The following MED27 variants were observed in gnomAD, a reference collection of about 807,000 sequenced individuals.
The protein encoded by MED27 is mediator complex subunit 27.
A neutral mutation model predicts 38.2 loss-of-function variants in MED27; 30 were observed. That is an observed-to-expected ratio of 0.79 (90% confidence interval 0.59 to 1.07). The LOEUF is 1.07. MED27 is among the 50% of genes least tolerant of loss of function. MED27 has a pLI of 0.00. For synonymous variants in MED27, 122 were observed against 153.5 expected (o/e 0.79, Z 1.52); for missense variants, 289 against 397.5 (o/e 0.73, Z 2.32).
rs12346481 is a variant in MED27 at position 132,028,949 on chromosome 9, C to A, written c.349-14482G>T. ...CTCAAAATTAACATTTGCAGATTCA[C>A]CGGTAGCTTCAGGAGGCCAGTCTCT... On this transcript the variant is annotated intron_variant, in intron 2 of 7. Transcript: ENST00000292035. 8.2e-3 allele frequency among the ~76,000 whole-genome samples: 1,242 copies of A among 152,256 alleles called. 21 individuals carry two copies. Among genetic ancestry groups the A allele is most frequent in the African/African-American group, 0.028 (1,176 of 41,540 alleles).
chr9:131,895,239 G>A (rs910186831), intron 4 of MED27, among the ~76,000 whole-genome samples: 1 of 152,146 alleles, frequency 6.6e-6, no homozygotes, highest in Non-Finnish European at 1.5e-5. Context: ...TTTTCATTTC[G>A]TATATGAGAA....
intron 3 of MED27, among the ~76,000 whole-genome samples, chr9:131,998,270 A>AT (rs550155615): frequency 6.6e-4 from 100 of 151,074 alleles, no homozygotes; most frequent in African/African-American, 2.2e-3. Flanking sequence ...AAAAAGACAC[A>AT]TTTTTAATAT....
At chr9:132,016,482 A>G (rs1423329883) in intron 2 of MED27, among the ~76,000 whole-genome samples, 1 of 151,914 alleles carries the variant, frequency 6.6e-6, no homozygotes, top group Non-Finnish European at 1.5e-5. Context: ...ATTTTCCTCA[A>G]ATTTGTTTTT....
chr9:132,072,405 G>A (rs1029608992), intron 2 of MED27, among the ~76,000 whole-genome samples: 4 of 152,132 alleles, frequency 2.6e-5, no homozygotes, highest in Non-Finnish European at 5.9e-5. Context: ...AGGTAGTCTT[G>A]ACTCCAGAAC....
intron 4 of MED27, among the ~76,000 whole-genome samples, chr9:131,927,750 A>G (rs961474011): frequency 3.3e-5 from 5 of 152,326 alleles, no homozygotes; most frequent in Non-Finnish European, 7.3e-5. Context: ...TGAAATATAC[A>G]GAGGGCTCAA....
chr9:132,079,015 G>C (rs1202532862), intron 1 of MED27, among the ~76,000 whole-genome samples: 1 of 152,246 alleles, frequency 6.6e-6, no homozygotes, highest in Non-Finnish European at 1.5e-5. Flanking sequence ...TTAAGCATAA[G>C]TAATTAAACT....
intron 4 of MED27, among the ~76,000 whole-genome samples, chr9:131,929,224 G>A (rs1354953692): frequency 2.0e-5 from 3 of 152,228 alleles, no homozygotes; most frequent in African/African-American, 7.2e-5. Context: ...TGACACCCAG[G>A]TGGTATGCCG....
chr9:131,925,349 G>A (rs1000320687), intron 4 of MED27, among the ~76,000 whole-genome samples: 1 of 152,116 alleles, frequency 6.6e-6, no homozygotes, highest in Non-Finnish European at 1.5e-5. Context: ...GGAGAATGGG[G>A]TGTCTTTCCC....
chr9:131,999,148 C>T (rs1832164025), intron 3 of MED27, among the ~76,000 whole-genome samples: 1 of 152,280 alleles, frequency 6.6e-6, no homozygotes, highest in East Asian at 1.9e-4. Context: ...GGACCTGAAG[C>T]TGCAAAGAAA....
chr9:132,048,541 A>C (rs1833395726), intron 2 of MED27, among the ~76,000 whole-genome samples: 1 of 152,206 alleles, frequency 6.6e-6, no homozygotes, highest in African/African-American at 2.4e-5. Context: ...CTAGTAACTA[A>C]ACTGTTCTTT....
intron 3 of MED27, among the ~76,000 whole-genome samples, chr9:131,979,614 G>A (rs1209982527): frequency 6.6e-6 from 1 of 152,046 alleles, no homozygotes; most frequent in Non-Finnish European, 1.5e-5. Flanking sequence ...TATGGCAGGT[G>A]CTCAATGAAA....
rs201789144 is a variant in MED27 at position 131,966,199 on chromosome 9, T to TAAAAA, written c.480-26730_480-26726dup. Among the ~76,000 whole-genome samples the TAAAAA allele has an allele frequency of 7.4e-3, 717 of 96,308 alleles. 16 individuals are homozygous for TAAAAA. Among genetic ancestry groups the TAAAAA allele is most frequent in the African/African-American group, 0.028 (651 of 23,338 alleles). The allele number at this position is 96,308 out of a possible 152,430, so 63.2% of individuals were successfully genotyped here. A position where few individuals can be genotyped will look rare whatever the true frequency, so the allele number is the denominator to read the frequency against. On this transcript the variant is annotated intron_variant, in intron 3 of 7. Transcript: ENST00000292035. ...GAAACACAGTGAGAGCCTGTTTCTT[T>TAAAAA]AAAAAAAAAAAAAAAACAAAACAAA...
intron 2 of MED27, among the ~76,000 whole-genome samples, chr9:132,022,512 A>T (rs2131088818): frequency 6.6e-6 from 1 of 152,340 alleles, no homozygotes; most frequent in Middle Eastern, 3.4e-3. Flanking sequence ...TGTATTATAA[A>T]TATTACTTTG....
chr9:131,876,656 C>A (rs1359805297), intron 6 of MED27, among the ~76,000 whole-genome samples: 1 of 152,100 alleles, frequency 6.6e-6, no homozygotes, highest in African/African-American at 2.4e-5. Context: ...TGCTTGGCGA[C>A]CTGGTCAATA....
chr9:131,948,811 C>A (rs1830933458), intron 3 of MED27, among the ~76,000 whole-genome samples: 1 of 152,190 alleles, frequency 6.6e-6, no homozygotes, highest in Non-Finnish European at 1.5e-5. Context: ...GGTGACCAGG[C>A]AGCAGTAGAT....
chr9:131,940,343 G>GAC (rs1472427808), intron 3 of MED27, among the ~76,000 whole-genome samples: 1 of 152,134 alleles, frequency 6.6e-6, no homozygotes, highest in African/African-American at 2.4e-5. Context: ...TAATAGCTGA[G>GAC]ACACATAGTG....
intron 4 of MED27, among the ~76,000 whole-genome samples, chr9:131,934,715 T>C (rs1368693205): frequency 6.6e-6 from 1 of 152,170 alleles, no homozygotes; most frequent in Admixed American, 6.5e-5. Flanking sequence ...GCTGCATATA[T>C]ACCCAAAAGA....
intron 2 of MED27, among the ~76,000 whole-genome samples, chr9:132,023,503 T>C (rs532050558): frequency 6.6e-6 from 1 of 152,366 alleles, no homozygotes; most frequent in African/African-American, 2.4e-5. Context: ...TAGCTCTTCT[T>C]TATTCCAGTG....
At chr9:131,931,738 A>G (rs1478503853) in intron 4 of MED27, among the ~76,000 whole-genome samples, 2 of 152,230 alleles carry the variant, frequency 1.3e-5, no homozygotes, top group Non-Finnish European at 1.5e-5. Context: ...TTTCAAGACA[A>G]AAACTGTAAA....
Sources: gnomAD v4.1 joint callset for allele counts (sites outside exome capture counted in the v4.1 genomes callset) on GRCh38, gnomAD v4.1.1 for gene constraint, MANE v1.5 for transcripts, NCBI Gene and HGNC (gene_info 2026-07-23, HGNC 2026-07-21) for gene names.